The following AIG1 variants were observed in gnomAD, a reference collection of about 807,000 sequenced individuals.
AIG1 encodes the protein androgen-induced gene 1 protein.
In AIG1, 23 loss-of-function variants were observed where a neutral mutation model predicts 31.4. That is an observed-to-expected ratio of 0.73 (90% CI 0.53 to 1.04). The LOEUF is 1.04. Among genes scored for constraint, AIG1 ranks in the 50% least tolerant of loss-of-function variants. The pLI is 0.00. For synonymous variants in AIG1, 100 were observed against 110.5 expected (o/e 0.90, Z 0.60); for missense variants, 274 against 295.0 (o/e 0.93, Z 0.52).
chr6:143,266,511 A>G (rs974577200), intron 3 of AIG1, among the ~76,000 whole-genome samples: 1 of 152,142 alleles, frequency 6.6e-6, no homozygotes, highest in Non-Finnish European at 1.5e-5. Context: ...ACACACAACT[A>G]TGTGGGGTGT....
chr6:143,270,216 C>T (rs532977897), intron 3 of AIG1, among the ~76,000 whole-genome samples: 11 of 152,158 alleles, frequency 7.2e-5, no homozygotes, highest in Non-Finnish European at 1.3e-4. Context: ...ATCCTTTCCC[C>T]CTCTTCCCAC....
At chr6:143,196,392 CA>C (rs34817937) in intron 3 of AIG1, among the ~76,000 whole-genome samples, 13 of 140,308 alleles carry the variant, frequency 9.3e-5, no homozygotes, top group African/African-American at 1.8e-4. Flanking sequence ...CACACACACA[CA>C]CACCCCAATT....
In AIG1 at chr6:143,295,022, C is replaced by G. The variant is rs142899057; in HGVS notation, c.515+10797C>G. 2.1e-3 allele frequency among the ~76,000 whole-genome samples: 316 copies of G among 152,290 alleles called. 2 individuals are homozygous for G. The highest frequency in any genetic ancestry group is 6.9e-3 in the African/African-American group (288 of 41,558). ...CCTGAACCTACTCCATATCTACTCA[C>G]TTAGCAACTGCAAACCAACCTCATG... On this transcript the variant is annotated intron_variant, in intron 4 of 5. Coordinates refer to ENST00000357847, the MANE Select transcript of AIG1 (RefSeq NM_016108.4).
Position 143,299,710 on chromosome 6 carries a change from A to G in AIG1, c.515+15485A>G, listed in dbSNP as rs1191683998. 1.3e-5 allele frequency among the ~76,000 whole-genome samples: 2 copies of G among 152,216 alleles called. No homozygotes were observed. The highest frequency in any genetic ancestry group is 1.9e-4 in the East Asian group (1 of 5,188). Reference sequence around the variant, plus strand: ...ATGACACACAAAACTCTTCAACAGTAGGCTCTGCCTCTTCTCAGAACGCCA... The same window carrying G: ...ATGACACACAAAACTCTTCAACAGTGGGCTCTGCCTCTTCTCAGAACGCCA... On this transcript the variant is annotated intron_variant, in intron 4 of 5. Coordinates refer to ENST00000357847, the MANE Select transcript of AIG1 (RefSeq NM_016108.4). The surrounding 1 kb of genome is among the most constrained non-coding windows in gnomAD (Gnocchi z 4.1).
chr6:143,106,777 C>T (rs1780841031), intron 1 of AIG1, among the ~76,000 whole-genome samples: 1 of 152,156 alleles, frequency 6.6e-6, no homozygotes, highest in Non-Finnish European at 1.5e-5. Flanking sequence ...GGCTTATCAG[C>T]AACAGATTTA....
chr6:143,277,940 C>T (rs771410777), intron 3 of AIG1, among the ~76,000 whole-genome samples: 1 of 152,174 alleles, frequency 6.6e-6, no homozygotes, highest in Non-Finnish European at 1.5e-5. Context: ...TTGAGAGCTC[C>T]CCTAATTCAT....
At position 143,297,561 on chromosome 6, in the gene AIG1, G is replaced by C. The variant is rs1342571986; in HGVS notation, c.515+13336G>C. 6.6e-6 allele frequency among the ~76,000 whole-genome samples: 1 copy of C among 151,932 alleles called. No homozygotes were observed. On this transcript the variant is annotated intron_variant, in intron 4 of 5. Transcript: ENST00000357847. The surrounding 1 kb of genome is among the most constrained non-coding windows in gnomAD (Gnocchi z 5.1). ...GGTTGGATGGCTGGGTGATTGGATG[G>C]TTGGGTGGTTGGTTGGGTGGGTGGT...
chr6:143,207,065 A>T (rs539352979), intron 3 of AIG1, among the ~76,000 whole-genome samples: 3 of 152,066 alleles, frequency 2.0e-5, no homozygotes. Flanking sequence ...CCCTGTATCT[A>T]TAAGAGTGGT....
At chr6:143,073,123 C>G (rs540375269) in intron 1 of AIG1, among the ~76,000 whole-genome samples, 4 of 152,220 alleles carry the variant, frequency 2.6e-5, no homozygotes, top group African/African-American at 9.6e-5. Flanking sequence ...TAAATGAGAC[C>G]ATGCAATATT....
intron 3 of AIG1, among the ~76,000 whole-genome samples, chr6:143,263,290 T>C (rs1795935681): frequency 6.6e-6 from 1 of 152,132 alleles, no homozygotes. Flanking sequence ...TTTTTTTCTT[T>C]CTTTCTTATA....
chr6:143,267,300 G>C (rs1006701038), intron 3 of AIG1, among the ~76,000 whole-genome samples: 1 of 152,128 alleles, frequency 6.6e-6, no homozygotes, highest in African/African-American at 2.4e-5. Flanking sequence ...ATGCATCCTA[G>C]CTTTTCCTAG....
At chr6:143,101,889 C>T (rs1780312847) in intron 1 of AIG1, among the ~76,000 whole-genome samples, 1 of 152,070 alleles carries the variant, frequency 6.6e-6, no homozygotes, top group South Asian at 2.1e-4. Flanking sequence ...GGAGTTTTTA[C>T]AATTTCTAAT....
chr6:143,176,654 T>C (rs1241314012), intron 3 of AIG1, among the ~76,000 whole-genome samples: 1 of 152,210 alleles, frequency 6.6e-6, no homozygotes, highest in Non-Finnish European at 1.5e-5. Context: ...CAGGCCTCAC[T>C]TAGCTCCCAT....
At chr6:143,083,122 T>C (rs987063988) in intron 1 of AIG1, among the ~76,000 whole-genome samples, 1 of 152,212 alleles carries the variant, frequency 6.6e-6, no homozygotes, top group African/African-American at 2.4e-5. Flanking sequence ...CTTTGGATAA[T>C]TTTAGCCGTA....
intron 2 of AIG1, among the ~76,000 whole-genome samples, chr6:143,141,571 T>G (rs1396864961): frequency 6.6e-6 from 1 of 152,144 alleles, no homozygotes; most frequent in Non-Finnish European, 1.5e-5. Flanking sequence ...TTTGTGTAGA[T>G]TCCCATAAAT....
At chr6:143,175,848 G>C (rs2128579013) in intron 3 of AIG1, among the ~76,000 whole-genome samples, 1 of 152,278 alleles carries the variant, frequency 6.6e-6, no homozygotes, top group Non-Finnish European at 1.5e-5. Flanking sequence ...TTGCTGGTGA[G>C]CTACTGTGAT....
At chr6:143,177,708 G>C (rs1788301323) in intron 3 of AIG1, among the ~76,000 whole-genome samples, 1 of 152,162 alleles carries the variant, frequency 6.6e-6, no homozygotes, top group Non-Finnish European at 1.5e-5. Context: ...TGTATGGCAG[G>C]TCTACCACTG....
intron 4 of AIG1, among the ~76,000 whole-genome samples, chr6:143,318,833 G>T (rs1775970347): frequency 6.6e-6 from 1 of 151,690 alleles, no homozygotes; most frequent in African/African-American, 2.4e-5. Flanking sequence ...AATAGACAAT[G>T]TTCAAATGAA....
intron 3 of AIG1, among the ~76,000 whole-genome samples, chr6:143,253,199 T>G (rs1409355927): frequency 1.3e-5 from 2 of 152,300 alleles, no homozygotes; most frequent in African/African-American, 4.8e-5. Context: ...TACAATCTGG[T>G]CTGTCACACC....
Sources: allele counts gnomAD v4.1 joint callset (sites outside exome capture counted in the v4.1 genomes callset), GRCh38; gene constraint gnomAD v4.1.1; non-coding constraint Gnocchi (gnomAD v3.1); transcripts MANE v1.5; gene names NCBI Gene and HGNC (gene_info 2026-07-23, HGNC 2026-07-21).